ENOX1: variants seen among roughly 807,000 people sequenced by gnomAD.
ENOX1 encodes the protein candidate growth-related and time keeping constitutive hydroquinone (NADH) oxidase.
A neutral mutation model predicts 82.5 loss-of-function variants in ENOX1; 42 were observed. The ratio of observed to expected loss-of-function variants is 0.51; its 90% confidence interval spans 0.40 to 0.66. The LOEUF (loss-of-function observed/expected upper bound fraction) is 0.66, where lower values mean the gene tolerates loss of function less well. ENOX1 is among the 30% of genes least tolerant of loss of function. The probability of loss-of-function intolerance (pLI) is 0.00; values close to 1 mark genes in which losing one functional copy is unlikely to be tolerated. For missense variants in ENOX1, 608 were observed against 811.6 expected (o/e 0.75, Z 3.05); for synonymous variants, 271 against 282.2 (o/e 0.96, Z 0.40).
chr13:43,257,093 G>A (rs962574629), intron 14 of ENOX1, among the ~76,000 whole-genome samples: 9 of 152,258 alleles, frequency 5.9e-5, no homozygotes, highest in Middle Eastern at 3.4e-3. Flanking sequence ...ACTCGTATGC[G>A]GGAGCTAAAA....
At chr13:43,605,604 T>C (rs972477224) in intron 2 of ENOX1, among the ~76,000 whole-genome samples, 6 of 152,276 alleles carry the variant, frequency 3.9e-5, no homozygotes, top group Admixed American at 2.6e-4. Flanking sequence ...GATATCCATA[T>C]ACAGAAGAAT....
chr13:43,537,894 T>C (rs929456301), intron 2 of ENOX1, among the ~76,000 whole-genome samples: 1 of 152,208 alleles, frequency 6.6e-6, no homozygotes, highest in South Asian at 2.1e-4. Flanking sequence ...CCCAGCCTTC[T>C]ACCCGGGAGG....
At chr13:43,525,225 G>T (rs956237064) in intron 2 of ENOX1, among the ~76,000 whole-genome samples, 3 of 151,978 alleles carry the variant, frequency 2.0e-5, no homozygotes, top group Admixed American at 2.0e-4. Context: ...TCTTCATCTT[G>T]CAAAATGGAA....
At chr13:43,630,846 C>CACAT (rs1555345978) in intron 2 of ENOX1, among the ~76,000 whole-genome samples, 3 of 139,466 alleles carry the variant, frequency 2.2e-5, no homozygotes, top group Admixed American at 1.5e-4. Context: ...CACACACACA[C>CACAT]ATATATATAT....
At position 43,608,648 on chromosome 13, in the gene ENOX1, G is replaced by A. The variant is rs372532466; in HGVS notation, c.-219+58831C>T. 1.9e-3 allele frequency among the ~76,000 whole-genome samples: 290 copies of A among 152,242 alleles called. 1 individual carries two copies. Among genetic ancestry groups the A allele is most frequent in the African/African-American group, 5.8e-3 (240 of 41,552 alleles). On this transcript the variant is annotated intron_variant, in intron 2 of 16. Coordinates refer to ENST00000690772, the MANE Select transcript of ENOX1 (RefSeq NM_001347969.2). ...ACTGCCTTCTGCCATCTCAAATTGGGTGGATGAGGGGCTGGATAGATAACA... is the reference window on the plus strand; with the variant it reads ...ACTGCCTTCTGCCATCTCAAATTGGATGGATGAGGGGCTGGATAGATAACA...
chr13:43,556,233 GTTTT>G (rs5803187), intron 2 of ENOX1, among the ~76,000 whole-genome samples: 1 of 148,164 alleles, frequency 6.7e-6, no homozygotes, highest in African/African-American at 2.5e-5. Context: ...AACTTGCCCA[GTTTT>G]TTTTTTTTTA....
chr13:43,718,578 G>A lies in ENOX1; in HGVS notation c.-284-51034C>T, dbSNP rs181663924. On this transcript the variant is annotated intron_variant, in intron 1 of 16. Transcript: ENST00000690772. ...AAAATTGGAATCATCTCGGGAGGCTGAGGCAGGAGAATGTTGTGAACCCAG... is the reference window on the plus strand; with the variant it reads ...AAAATTGGAATCATCTCGGGAGGCTAAGGCAGGAGAATGTTGTGAACCCAG... Among the ~76,000 whole-genome samples the A allele has an allele frequency of 6.6e-5, 10 of 150,992 alleles. No homozygotes were observed. In the East Asian group the frequency reaches 1.6e-3, roughly 24 times the overall value.
intron 3 of ENOX1, among the ~76,000 whole-genome samples, chr13:43,449,308 T>C (rs191728973): frequency 4.6e-5 from 7 of 152,310 alleles, no homozygotes; most frequent in Admixed American, 4.6e-4. Flanking sequence ...AAATACCTCC[T>C]AGAAACAAGT....
At chr13:43,477,408 C>T (rs1222821804) in intron 3 of ENOX1, among the ~76,000 whole-genome samples, 4 of 151,884 alleles carry the variant, frequency 2.6e-5, no homozygotes, top group Admixed American at 2.6e-4. Context: ...AATTTGTTGT[C>T]TAAAAAAAGA....
chr13:43,775,337 T>C (rs1375032302), intron 1 of ENOX1, among the ~76,000 whole-genome samples: 3 of 152,160 alleles, frequency 2.0e-5, no homozygotes, highest in Non-Finnish European at 2.9e-5. Context: ...AGACAGGGTC[T>C]CACTTTGTTG....
At chr13:43,378,841 C>T (rs1397006935) in intron 5 of ENOX1, among the ~76,000 whole-genome samples, 1 of 152,124 alleles carries the variant, frequency 6.6e-6, no homozygotes, top group African/African-American at 2.4e-5. Flanking sequence ...TATTATTTTA[C>T]ATGTCAAAGG....
intron 2 of ENOX1, among the ~76,000 whole-genome samples, chr13:43,534,781 C>T (rs1309288108): frequency 6.6e-6 from 1 of 152,096 alleles, no homozygotes; most frequent in African/African-American, 2.4e-5. Context: ...GGGGGTGTTG[C>T]CACTAGCAAC....
chr13:43,311,677 C>T (rs985713845), intron 11 of ENOX1, among the ~76,000 whole-genome samples: 6 of 152,162 alleles, frequency 3.9e-5, no homozygotes, highest in African/African-American at 1.2e-4. Context: ...AGAGAAGCAA[C>T]CCTTTCAGAT....
At chr13:43,374,142 C>T (rs956820350) in intron 5 of ENOX1, among the ~76,000 whole-genome samples, 2 of 138,124 alleles carry the variant, frequency 1.4e-5, no homozygotes, top group African/African-American at 2.7e-5. Context: ...TCCTTTCTTT[C>T]GCAGAGACTA....
intron 3 of ENOX1, among the ~76,000 whole-genome samples, chr13:43,416,101 C>T (rs1325373315): frequency 7.1e-6 from 1 of 140,518 alleles, no homozygotes; most frequent in African/African-American, 2.9e-5. Flanking sequence ...GGCGGATGGG[C>T]AGAGATGCTC....
rs373195522 is a variant in ENOX1 at position 43,427,975 on chromosome 13, A to C, written c.-74-14987T>G. Reference sequence around the variant, plus strand: ...CAGGAGTAGTAAGTTGCTTGGAGGGAAAGTGCCAACATCAGCAATGCACCA... The same window carrying C: ...CAGGAGTAGTAAGTTGCTTGGAGGGCAAGTGCCAACATCAGCAATGCACCA... On this transcript the variant is annotated intron_variant, in intron 3 of 16. Coordinates refer to ENST00000690772, the MANE Select transcript of ENOX1 (RefSeq NM_001347969.2). 4.6e-4 allele frequency among the ~76,000 whole-genome samples: 70 copies of C among 152,330 alleles called. 4 individuals carry two copies. The South Asian group carries it at 0.013, about 29-fold the overall frequency.
intron 5 of ENOX1, among the ~76,000 whole-genome samples, chr13:43,407,912 A>G (rs911374556): frequency 1.3e-5 from 2 of 152,250 alleles, no homozygotes; most frequent in Non-Finnish European, 2.9e-5. Context: ...TATGGGGAAT[A>G]AAACAAACAA....
chr13:43,655,875 A>G (rs2153780833), intron 2 of ENOX1, among the ~76,000 whole-genome samples: 1 of 152,240 alleles, frequency 6.6e-6, no homozygotes, highest in South Asian at 2.1e-4. Context: ...CACCTTCCAA[A>G]TAACTAGTTC....
At chr13:43,651,839 G>C (rs2084193705) in intron 2 of ENOX1, among the ~76,000 whole-genome samples, 1 of 151,860 alleles carries the variant, frequency 6.6e-6, no homozygotes, top group Non-Finnish European at 1.5e-5. Context: ...GCCGGGGGTA[G>C]TGGCACATGC....
Sources: gnomAD v4.1 joint callset for allele counts (sites outside exome capture counted in the v4.1 genomes callset) on GRCh38, gnomAD v4.1.1 for gene constraint, MANE v1.5 for transcripts, NCBI Gene and HGNC (gene_info 2026-07-23, HGNC 2026-07-21) for gene names.